The following PTPRG variants were observed in gnomAD, a reference collection of about 807,000 sequenced individuals.
PTPRG encodes the protein receptor-type tyrosine-protein phosphatase gamma.
A neutral mutation model predicts 165.3 loss-of-function variants in PTPRG; 102 were observed. The ratio of observed to expected loss-of-function variants is 0.62; its 90% CI spans 0.53 to 0.73. The LOEUF (loss-of-function observed/expected upper bound fraction) is 0.73. PTPRG is among the 30% of genes least tolerant of loss of function. The pLI, the probability that PTPRG is intolerant of heterozygous loss-of-function variation, is 0.00. For synonymous variants in PTPRG, 675 were observed against 669.5 expected (o/e 1.01, Z -0.13); for missense variants, 1,866 against 1,861.4 (o/e 1.00, Z -0.05).
chr3:62,156,472 T>C (rs565202863), intron 6 of PTPRG, among the ~76,000 whole-genome samples: 1 of 152,342 alleles, frequency 6.6e-6, no homozygotes, highest in South Asian at 2.1e-4. Flanking sequence ...CCTGGGGCCA[T>C]TCTTTTTAAA....
At chr3:61,943,488 G>C (rs1575809681) in intron 2 of PTPRG, among the ~76,000 whole-genome samples, 2 of 152,194 alleles carry the variant, frequency 1.3e-5, no homozygotes, top group South Asian at 2.1e-4. Context: ...TGAGGCAGGA[G>C]AATCGCTTGA....
At chr3:61,584,073 T>G (rs1272749391) in intron 1 of PTPRG, among the ~76,000 whole-genome samples, 1 of 152,210 alleles carries the variant, frequency 6.6e-6, no homozygotes, top group Non-Finnish European at 1.5e-5. Context: ...TTGAGCTTTT[T>G]ATCTTCGGGA....
At chr3:61,828,591 AAGGAAGTGCTGTGTGAACCCAG>A (rs1369597071) in intron 2 of PTPRG, among the ~76,000 whole-genome samples, 5 of 152,168 alleles carry the variant, frequency 3.3e-5, no homozygotes, top group South Asian at 2.1e-4. Context: ...CTGGCCTTTC[AAGGAAGTGCTGTGTGAACCCAG>A]AGGAAGTGCT....
intron 4 of PTPRG, among the ~76,000 whole-genome samples, chr3:62,031,871 G>T (rs1033942900): frequency 6.6e-6 from 1 of 152,174 alleles, no homozygotes; most frequent in African/African-American, 2.4e-5. Context: ...AGTGAGCTCT[G>T]TGGAAGTGGC....
intron 1 of PTPRG, chr3:61,742,345 A>T: frequency 1.4e-6 from 1 of 691,778 alleles, no homozygotes; most frequent in Non-Finnish European, 2.3e-6. Context: ...TGATATCTTC[A>T]GTAGTAGGTG....
chr3:61,978,786 A>T (rs1246587977), intron 2 of PTPRG, among the ~76,000 whole-genome samples: 1 of 152,212 alleles, frequency 6.6e-6, no homozygotes, highest in Non-Finnish European at 1.5e-5. Flanking sequence ...TAGACAATAT[A>T]TGAATGAACG....
chr3:62,283,958 G>C (rs1702543755), intron 28 of PTPRG, among the ~76,000 whole-genome samples: 1 of 152,106 alleles, frequency 6.6e-6, no homozygotes. Context: ...ATGGAAATGT[G>C]ACAACCATCA....
intron 17 of PTPRG, among the ~76,000 whole-genome samples, chr3:62,266,870 C>T (rs1701892476): frequency 6.7e-6 from 1 of 149,192 alleles, no homozygotes; most frequent in East Asian, 2.0e-4. Flanking sequence ...TGTTCATTAA[C>T]TGAGGTTAAG....
intron 2 of PTPRG, among the ~76,000 whole-genome samples, chr3:61,763,100 C>A (rs1486478919): frequency 1.3e-5 from 2 of 152,144 alleles, no homozygotes; most frequent in African/African-American, 4.8e-5. Context: ...GGATCGTGTT[C>A]TCATGCTTAA....
At chr3:61,685,700 T>TC (rs1294527565) in intron 1 of PTPRG, among the ~76,000 whole-genome samples, 3 of 152,210 alleles carry the variant, frequency 2.0e-5, no homozygotes, top group Non-Finnish European at 4.4e-5. Context: ...TAGCTAGAGA[T>TC]ACCTCCACTA....
At position 62,160,928 on chromosome 3, in the gene PTPRG, A is replaced by G. The variant is rs571234282; in HGVS notation, c.840+3704A>G. ...GAGTGGACAGAAAAGGTTTAATTGCATGACCCTTTTTAACCAAAGGTATCT... is the reference window on the plus strand; with the variant it reads ...GAGTGGACAGAAAAGGTTTAATTGCGTGACCCTTTTTAACCAAAGGTATCT... On this transcript the variant is annotated intron_variant, in intron 7 of 29. Coordinates refer to ENST00000474889, the MANE Select transcript of PTPRG (RefSeq NM_002841.4). 1.9e-4 allele frequency among the ~76,000 whole-genome samples: 25 copies of G among 130,418 alleles called. No individual in the cohort carries two copies. The South Asian group carries it at 3.6e-3, about 19-fold the overall frequency. 85.6% of individuals were successfully genotyped at this position (130,418 alleles called of 152,430 possible).
intron 5 of PTPRG, among the ~76,000 whole-genome samples, chr3:62,104,256 A>AT (rs1242525161): frequency 6.6e-6 from 1 of 152,196 alleles, no homozygotes; most frequent in Non-Finnish European, 1.5e-5. Context: ...GCACAGTGTC[A>AT]TGGTGAAATG....
In PTPRG at chr3:61,698,460, G is replaced by A. The variant is rs779304161; in HGVS notation, c.86-50418G>A. Among the ~76,000 whole-genome samples, 134 of 152,150 alleles carry A rather than the reference G, an allele frequency of 8.8e-4. 1 individual carries two copies. The highest frequency in any genetic ancestry group is 1.3e-3 in the Non-Finnish European group (90 of 68,016). ...CAATAAAACTTTATTTACATAAACAGGCAGGCTGGATTTGGCCTGAAGATA... is the reference window on the plus strand; with the variant it reads ...CAATAAAACTTTATTTACATAAACAAGCAGGCTGGATTTGGCCTGAAGATA... On this transcript the variant is annotated intron_variant, in intron 1 of 29. Coordinates refer to ENST00000474889, the MANE Select transcript of PTPRG (RefSeq NM_002841.4).
chr3:62,288,811 G>A (rs901403794), intron 28 of PTPRG, among the ~76,000 whole-genome samples: 2 of 152,006 alleles, frequency 1.3e-5, no homozygotes, highest in Non-Finnish European at 2.9e-5. Context: ...TATTGGGGAC[G>A]AAACAGAAAT....
At chr3:61,642,420 A>T (rs1402547088) in intron 1 of PTPRG, among the ~76,000 whole-genome samples, 1 of 152,120 alleles carries the variant, frequency 6.6e-6, no homozygotes, top group Non-Finnish European at 1.5e-5. Context: ...AGGTTTGGAG[A>T]GCAGCTTAGT....
chr3:61,924,681 T>G (rs1365253125), intron 2 of PTPRG, among the ~76,000 whole-genome samples: 2 of 152,214 alleles, frequency 1.3e-5, no homozygotes, highest in African/African-American at 2.4e-5. Flanking sequence ...GATTTAATCC[T>G]CTGGTCCAGG....
intron 13 of PTPRG, 107 bp from the exon 14 acceptor site, chr3:62,231,118 G>A: frequency 1.3e-6 from 1 of 753,604 alleles, no homozygotes; most frequent in Non-Finnish European, 1.9e-6. Flanking sequence ...TGATGACGGG[G>A]TCTGTCTGTG....
chr3:62,104,767 A>G (rs553110280), intron 5 of PTPRG, among the ~76,000 whole-genome samples: 2 of 152,176 alleles, frequency 1.3e-5, no homozygotes, highest in Non-Finnish European at 2.9e-5. Context: ...TACTAGCGGG[A>G]ACAAAAGCTG....
At chr3:61,817,292 T>C (rs1019299209) in intron 2 of PTPRG, among the ~76,000 whole-genome samples, 1 of 64,222 alleles carries the variant, frequency 1.6e-5, no homozygotes, top group African/African-American at 1.4e-4. Flanking sequence ...ATCACTGAAA[T>C]TTTTTTTTAA....
Sources: allele counts gnomAD v4.1 joint callset (sites outside exome capture counted in the v4.1 genomes callset), GRCh38; gene constraint gnomAD v4.1.1; transcripts MANE v1.5; gene names NCBI Gene and HGNC (gene_info 2026-07-23, HGNC 2026-07-21).